ROBO1: variants seen among roughly 807,000 people sequenced by gnomAD.
The protein encoded by ROBO1 is roundabout guidance receptor 1, also known as roundabout homolog 1.
In ROBO1, 149 loss-of-function variants were observed where a neutral mutation model predicts 195.9. The ratio of observed to expected loss-of-function variants is 0.76; its 90% CI spans 0.67 to 0.87. The LOEUF (loss-of-function observed/expected upper bound fraction) is 0.87, where lower values mean the gene tolerates loss of function less well. Ranked by LOEUF, ROBO1 falls within the 40% of genes least tolerant of loss-of-function variation. The pLI is 0.00. For synonymous variants in ROBO1, 816 were observed against 733.2 expected (o/e 1.11, Z -1.82); for missense variants, 1,933 against 2,068.3 (o/e 0.93, Z 1.27).
At chr3:79,028,357 A>G (rs948304211) in intron 3 of ROBO1, among the ~76,000 whole-genome samples, 9 of 151,758 alleles carry the variant, frequency 5.9e-5, no homozygotes, top group Non-Finnish European at 1.2e-4. Context: ...CTACATTTTC[A>G]CTCAAAGATC....
chr3:79,199,764 T>TCGTA (rs1242022540), intron 2 of ROBO1, among the ~76,000 whole-genome samples: 10 of 151,518 alleles, frequency 6.6e-5, no homozygotes, highest in Admixed American at 2.6e-4. Flanking sequence ...GAGGATTCAA[T>TCGTA]CGTAGTACAT....
chr3:79,511,727 A>T (rs1214044346), intron 2 of ROBO1, among the ~76,000 whole-genome samples: 1 of 152,200 alleles, frequency 6.6e-6, no homozygotes, highest in African/African-American at 2.4e-5. Context: ...ACACCATGGA[A>T]TACTATGCAG....
In ROBO1 at chr3:78,740,886, G is replaced by C. The variant is rs550527668; in HGVS notation, c.657+5857C>G. On this transcript the variant is annotated intron_variant, in intron 5 of 30. Coordinates refer to ENST00000464233, the MANE Select transcript of ROBO1 (RefSeq NM_002941.4). ...AAACATATCATATATACTATGAACA[G>C]ATATTGAAAATATACTATTGTTTCT... Among the ~76,000 whole-genome samples the C allele has an allele frequency of 5.9e-5, 9 of 152,012 alleles. 1 individual carries two copies. Among genetic ancestry groups the C allele is most frequent in the African/African-American group, 2.2e-4 (9 of 41,406 alleles).
Position 78,929,425 on chromosome 3 carries a change from C to A in ROBO1, c.499+9176G>T, listed in dbSNP as rs1018268788. Among the ~76,000 whole-genome samples, 8 of 152,114 alleles carry A rather than the reference C, an allele frequency of 5.3e-5. No homozygotes were observed. The South Asian group carries it at 6.2e-4, about 12-fold the overall frequency. ...TTTTGCATATGTAAAGTGTCTCAAGCAACCTCAGGAAATTCAGGCACTGTC... is the reference window on the plus strand; with the variant it reads ...TTTTGCATATGTAAAGTGTCTCAAGAAACCTCAGGAAATTCAGGCACTGTC... On this transcript the variant is annotated intron_variant, in intron 4 of 30. Coordinates refer to ENST00000464233, the MANE Select transcript of ROBO1 (RefSeq NM_002941.4).
At position 78,939,016 on chromosome 3, in the gene ROBO1, T is replaced by A. The variant is rs1419006707; in HGVS notation, c.173-89A>T. On this transcript the variant is annotated intron_variant, in intron 3 of 30. Transcript: ENST00000464233. ...AAGCATTGGCTTAACCATTACTATT[T>A]AAACACTGCATAACATTGGCCTAGC... 3 of 1,154,084 alleles carry A rather than the reference T, an allele frequency of 2.6e-6. No individual in the cohort carries two copies. In the East Asian group the frequency reaches 7.2e-5, roughly 28 times the overall value. 71.5% of individuals were successfully genotyped at this position (1,154,084 alleles called of 1,614,324 possible).
At chr3:79,427,924 G>A (rs1015371503) in intron 2 of ROBO1, among the ~76,000 whole-genome samples, 1 of 152,000 alleles carries the variant, frequency 6.6e-6, no homozygotes, top group African/African-American at 2.4e-5. Context: ...GGGCAACCAA[G>A]CAAAAATGGA....
intron 4 of ROBO1, among the ~76,000 whole-genome samples, chr3:78,815,416 C>T (rs754456964): frequency 3.9e-5 from 6 of 152,098 alleles, no homozygotes; most frequent in Non-Finnish European, 7.4e-5. Flanking sequence ...AGCCTTTTTA[C>T]TGATATGGAA....
At chr3:79,065,133 G>C (rs1457292302) in intron 3 of ROBO1, among the ~76,000 whole-genome samples, 1 of 152,036 alleles carries the variant, frequency 6.6e-6, no homozygotes, top group South Asian at 2.1e-4. Flanking sequence ...TGTTACATGA[G>C]TTAAAAACCC....
chr3:79,678,326 T>A (rs1386357704), intron 1 of ROBO1, among the ~76,000 whole-genome samples: 2 of 151,940 alleles, frequency 1.3e-5, no homozygotes, highest in Non-Finnish European at 2.9e-5. Context: ...TAGAACAATG[T>A]TGTATGCATA....
At chr3:79,759,396 T>C (rs1447423507) in intron 1 of ROBO1, among the ~76,000 whole-genome samples, 2 of 152,222 alleles carry the variant, frequency 1.3e-5, no homozygotes, top group Non-Finnish European at 2.9e-5. Context: ...CTAATTCACC[T>C]GGCAAATGGT....
intron 2 of ROBO1, among the ~76,000 whole-genome samples, chr3:79,553,921 AATATGG>A (rs1942610492): frequency 6.6e-6 from 1 of 152,184 alleles, no homozygotes; most frequent in South Asian, 2.1e-4. Flanking sequence ...ACAAAACCAA[AATATGG>A]ATTGACTTTC....
chr3:79,708,108 C>A (rs1702129817), intron 1 of ROBO1, among the ~76,000 whole-genome samples: 1 of 152,088 alleles, frequency 6.6e-6, no homozygotes, highest in Non-Finnish European at 1.5e-5. Context: ...GCGTTAATGG[C>A]ACTTGATAAA....
In ROBO1 at chr3:79,663,036, G is replaced by C. The variant is rs568642551; in HGVS notation, c.-50-73075C>G. On this transcript the variant is annotated intron_variant, in intron 1 of 30. Transcript: ENST00000464233. ...TTTGATGTTAGAACTCAGAAGCTAT[G>C]ATTCTCACAAGTGGGAGCTAATAAG... is the stretch of plus-strand genomic sequence containing the variant. Among the ~76,000 whole-genome samples, 104 of 152,158 alleles carry C rather than the reference G, an allele frequency of 6.8e-4. 1 individual carries two copies. The highest frequency in any genetic ancestry group is 1.4e-3 in the Non-Finnish European group (98 of 67,982).
At chr3:79,756,919 T>C (rs146114891) in intron 1 of ROBO1, among the ~76,000 whole-genome samples, 192 of 152,328 alleles carry the variant, frequency 1.3e-3, no homozygotes, top group African/African-American at 4.5e-3. Flanking sequence ...ATTTATCCTG[T>C]TTTTTGGCAT....
chr3:79,758,782 A>G (rs1207429223), intron 1 of ROBO1, among the ~76,000 whole-genome samples: 2 of 152,148 alleles, frequency 1.3e-5, no homozygotes, highest in Non-Finnish European at 2.9e-5. Context: ...AGAACTTAGG[A>G]AAGTAGCCTG....
At chr3:78,833,893 C>T (rs1374451401) in intron 4 of ROBO1, among the ~76,000 whole-genome samples, 3 of 152,140 alleles carry the variant, frequency 2.0e-5, no homozygotes, top group Non-Finnish European at 4.4e-5. Context: ...AGTAAAAGCA[C>T]CAACAAGAAA....
chr3:79,368,820 C>G (rs2036071889), intron 2 of ROBO1, among the ~76,000 whole-genome samples: 1 of 152,044 alleles, frequency 6.6e-6, no homozygotes, highest in Non-Finnish European at 1.5e-5. Context: ...TAAATGCAGG[C>G]GGGACCTGCT....
intron 1 of ROBO1, among the ~76,000 whole-genome samples, chr3:79,635,962 C>T (rs1045721497): frequency 6.6e-6 from 1 of 151,924 alleles, no homozygotes; most frequent in Non-Finnish European, 1.5e-5. Flanking sequence ...ACTGTTAGTT[C>T]CCATATATTT....
At chr3:79,717,277 TAC>T (rs1320405152) in intron 1 of ROBO1, among the ~76,000 whole-genome samples, 4 of 151,978 alleles carry the variant, frequency 2.6e-5, no homozygotes, top group Non-Finnish European at 4.4e-5. Context: ...CTGAAGAGAA[TAC>T]AGTTTTATAG....
Sources: allele counts gnomAD v4.1 joint callset (sites outside exome capture counted in the v4.1 genomes callset), GRCh38; gene constraint gnomAD v4.1.1; transcripts MANE v1.5; gene names NCBI Gene and HGNC (gene_info 2026-07-23, HGNC 2026-07-21).